Variants in KDM5C observed in about 807,000 individuals in gnomAD.
KDM5C encodes lysine-specific demethylase 5C.
A neutral mutation model predicts 110.6 loss-of-function variants in KDM5C; 16 were observed. The observed-to-expected ratio is 0.14, with a 90% CI of 0.10 to 0.22. KDM5C has a LOEUF of 0.22. Ranked by LOEUF, KDM5C falls within the 10% of genes least tolerant of loss-of-function variation. KDM5C has a pLI of 1.00. For missense variants in KDM5C, 681 were observed against 1,300.9 expected (o/e 0.52, Z 7.33); for synonymous variants, 511 against 520.4 (o/e 0.98, Z 0.24).
intron 23 of KDM5C, 123 bp from the exon 24 acceptor site, chrX:53,193,974 C>T: frequency 1.1e-6 from 1 of 950,298 alleles, no homozygotes; most frequent in Middle Eastern, 2.8e-4. Context: ...ACACAGGCTG[C>T]CAGCAGGGAG....
intron 12 of KDM5C, among the ~76,000 whole-genome samples, chrX:53,203,572 A>G (rs941733447): frequency 8.9e-5 from 10 of 111,849 alleles, no homozygotes; most frequent in Admixed American, 2.9e-4. Context: ...CAAAAGTGGA[A>G]AACATACACT....
chrX:53,205,164 T>C (rs2073286558), intron 12 of KDM5C, among the ~76,000 whole-genome samples: 1 of 112,150 alleles, frequency 8.9e-6, no homozygotes, highest in Non-Finnish European at 1.9e-5. Flanking sequence ...ACATTCAATT[T>C]TGGTGAAGAC....
rs2146914662 is a variant in KDM5C at position 53,210,549 on chromosome X, C to T, written c.1611G>A (p.Val537=). 1 of 1,211,934 alleles carries T rather than the reference C, an allele frequency of 8.3e-7. No individual in the cohort carries two copies. The highest frequency in any genetic ancestry group is 1.1e-6 in the Non-Finnish European group (1 of 895,563). The change falls in exon 12 of 26, where the codon GTG becomes GTA. Residue 537 remains valine (V), a synonymous_variant. Coordinates refer to ENST00000375401, the MANE Select transcript of KDM5C (RefSeq NM_004187.5). ...CCAAATGTTCTGCTGCAAGTGAGGG[C>T]ACCCCATACCAGGTCTTCGGCTCAC... ...HWGEPKTWYG[V]PSLAAEHLEE...
intron 25 of KDM5C, among the ~76,000 whole-genome samples, chrX:53,182,846 T>A (rs1388590935): frequency 1.8e-5 from 2 of 112,429 alleles, no homozygotes; most frequent in African/African-American, 6.5e-5. Flanking sequence ...TTAATTCTGA[T>A]GAAGTCCAAT....
intron 2 of KDM5C, among the ~76,000 whole-genome samples, chrX:53,219,465 T>C (rs1405550451): frequency 2.7e-5 from 3 of 111,977 alleles, no homozygotes; most frequent in Non-Finnish European, 5.6e-5. Flanking sequence ...CAGGACCCAA[T>C]GTGGGCCAAG....
In KDM5C at chrX:53,193,763, C is replaced by G. The variant is rs1934602478; in HGVS notation, c.4117+10G>C. On this transcript the variant is annotated intron_variant, in intron 24 of 25. Transcript: ENST00000375401. ...AGTCAACAGCCTACCCACACCACAC[C>G]TAGACCTACCTCTCTTACCTGAGCC... 8.3e-7 allele frequency: 1 copy of G among 1,203,752 alleles called. No homozygotes were observed. Among genetic ancestry groups the G allele is most frequent in the Non-Finnish European group, 1.1e-6 (1 of 888,092 alleles).
intron 1 of KDM5C, among the ~76,000 whole-genome samples, chrX:53,222,511 C>T (rs1221251421): frequency 9.0e-6 from 1 of 111,078 alleles, no homozygotes; most frequent in Non-Finnish European, 1.9e-5. Flanking sequence ...TCCGGGCACC[C>T]TTCTTTCCTG....
rs1228164846 is a variant in KDM5C, at chrX:53,222,373, A to C, written c.151-1457T>G. Among the ~76,000 whole-genome samples the C allele has an allele frequency of 6.4e-5, 7 of 109,729 alleles. No homozygotes were observed. The South Asian group carries it at 2.0e-3, about 31-fold the overall frequency. ...CAGTAAGCAGGGACAAAAAAAAAAA[A>C]AAACAGGCAGGCCAAAATGGTATGG... On this transcript the variant is annotated intron_variant, in intron 1 of 25. Coordinates refer to ENST00000375401, the MANE Select transcript of KDM5C (RefSeq NM_004187.5).
At chrX:53,177,164 T>TCTTTC (rs1272077407) in intron 25 of KDM5C, among the ~76,000 whole-genome samples, 2 of 111,890 alleles carry the variant, frequency 1.8e-5, no homozygotes, top group Non-Finnish European at 3.8e-5. Context: ...TTCCTTCTTT[T>TCTTTC]CTTTCCTTTC....
In KDM5C at chrX:53,193,616, G is replaced by A. The variant is rs1934587496; in HGVS notation, c.4138C>T (p.Leu1380=). ...GKRDLELLSS[L]LPQLTGPVLE... ...ACAGGGCCAGTCAACTGTGGCAACAGCGAGGACAGCAGCTCCAGATCTAGG... is the reference window on the plus strand; with the variant it reads ...ACAGGGCCAGTCAACTGTGGCAACAACGAGGACAGCAGCTCCAGATCTAGG... Residue 1380 remains leucine, a synonymous_variant, in exon 25 of 26, where the codon CTG becomes TTG. Transcript: ENST00000375401. 8.3e-7 allele frequency: 1 copy of A among 1,212,023 alleles called. No homozygotes were observed.
At chrX:53,210,970 G>T in intron 10 of KDM5C, 113 bp from the exon 11 acceptor site, 7 of 664,778 alleles carry the variant, frequency 1.1e-5, no homozygotes, top group Non-Finnish European at 1.5e-5. Context: ...AGACTTTTTT[G>T]AAACATCTTA....
At chrX:53,200,444 G>A (rs1262958614) in intron 14 of KDM5C, among the ~76,000 whole-genome samples, 1 of 111,650 alleles carries the variant, frequency 9.0e-6, no homozygotes, top group Non-Finnish European at 1.9e-5. Context: ...ATGTCAAGAT[G>A]AGAAGGTCTA....
rs2146825929 is a variant in KDM5C, at chrX:53,194,959, G to A, written c.3410C>T (p.Ala1137Val). 8.3e-7 allele frequency: 1 copy of A among 1,211,051 alleles called. No individual in the cohort carries two copies. The highest frequency in any genetic ancestry group is 1.8e-5 in the South Asian group (1 of 56,905). ...KSDTELLGLS[A>V]QDLRDPGSVI... ...AGAGCCTGGGTCCCTGAGGTCCTGC[G>A]CAGACAGCCCCAGCAGCTCTGTGTC... Residue 1137 changes from alanine (A) to valine (V), a missense_variant, in exon 22 of 26, where the codon GCG (alanine) becomes GTG (valine). Coordinates refer to ENST00000375401, the MANE Select transcript of KDM5C (RefSeq NM_004187.5).
At chrX:53,197,546 C>G (rs2072993454) in intron 18 of KDM5C, 1 of 412,808 alleles carries the variant, frequency 2.4e-6, no homozygotes, top group Admixed American at 4.0e-5. Flanking sequence ...GAAACCTTAC[C>G]TGGACTCTGT....
Position 53,197,824 on chromosome X carries a change from G to A in KDM5C, c.2569C>T (p.Leu857=). The change falls in exon 18 of 26, where the codon CTG becomes TTG. Residue 857 remains leucine, a synonymous_variant. Coordinates refer to ENST00000375401, the MANE Select transcript of KDM5C (RefSeq NM_004187.5). The part of the protein sequence containing the change: ...QMTLTELRAF[L]DQMNNLPCAM... ...CAAGGCAGGTTGTTCATCTGGTCCA[G>A]AAAGGCCCGGAGCTCAGTCAGGGTC... 8.3e-7 allele frequency: 1 copy of A among 1,204,174 alleles called. No homozygotes were observed. The highest frequency in any genetic ancestry group is 3.0e-5 in the East Asian group (1 of 33,522).
Position 53,192,585 on chromosome X carries a change from G to A in KDM5C, c.*382C>T. 3 of 521,530 alleles carry A rather than the reference G, an allele frequency of 5.8e-6. No homozygotes were observed. The highest frequency in any genetic ancestry group is 6.9e-5 in the South Asian group (2 of 28,783). The allele number at this position is 521,530 out of a possible 1,213,427, so 43.0% of individuals were successfully genotyped here. On this transcript the variant is annotated 3_prime_UTR_variant, in exon 26 of 26. Transcript: ENST00000375401. Reference sequence around the variant, plus strand: ...GGCAGGGGTTAGTGTAGCATGGCCTGGCCAGGACCAGAACTGGGGAGAGAA... The same window carrying A: ...GGCAGGGGTTAGTGTAGCATGGCCTAGCCAGGACCAGAACTGGGGAGAGAA...
chrX:53,204,038 G>A (rs1402746108), intron 12 of KDM5C, among the ~76,000 whole-genome samples: 8 of 110,893 alleles, frequency 7.2e-5, no homozygotes, highest in African/African-American at 2.6e-4. Context: ...CCACTGCACC[G>A]CACTGGCCTC....
At chrX:53,183,598 TTG>T (rs1934131751) in intron 25 of KDM5C, among the ~76,000 whole-genome samples, 3 of 104,787 alleles carry the variant, frequency 2.9e-5, no homozygotes, top group Non-Finnish European at 5.9e-5. Context: ...AGACGGAGTC[TTG>T]CTCTGTCACC....
chrX:53,191,143 A>G (rs1427423263), downstream of KDM5C, among the ~76,000 whole-genome samples: 1 of 111,547 alleles, frequency 9.0e-6, no homozygotes, highest in East Asian at 2.8e-4. Flanking sequence ...TGTCAGAAAA[A>G]CACATGCATG....
Sources: allele counts gnomAD v4.1 joint callset (sites outside exome capture counted in the v4.1 genomes callset), GRCh38; gene constraint gnomAD v4.1.1; transcripts MANE v1.5; gene names NCBI Gene and HGNC (gene_info 2026-07-23, HGNC 2026-07-21).